The following TENM3 variants were observed in gnomAD, a reference collection of about 807,000 sequenced individuals.
TENM3 encodes teneurin-3.
In TENM3, 63 loss-of-function variants were observed where a neutral mutation model predicts 255.1. The ratio of observed to expected loss-of-function variants is 0.25; its 90% CI spans 0.20 to 0.30. The LOEUF is 0.30. Ranked by LOEUF, TENM3 falls within the 10% of genes least tolerant of loss-of-function variation. The probability of loss-of-function intolerance (pLI) is 1.00; values close to 1 mark genes in which losing one functional copy is unlikely to be tolerated. For missense variants in TENM3, 2,929 were observed against 3,461.1 expected, an observed-to-expected ratio of 0.85 and a Z score of 3.86; for synonymous variants, 1,306 against 1,322.3, an observed-to-expected ratio of 0.99 and a Z score of 0.27.
At chr4:182,107,123 A>T in the TENM3 span, among the ~76,000 whole-genome samples, 1 of 150,034 alleles carries the variant, frequency 6.7e-6, no homozygotes, top group Non-Finnish European at 1.5e-5. Flanking sequence ...GCTGGTTAGT[A>T]CTTGCCTGAG....
chr4:181,559,861 A>G, the TENM3 span, among the ~76,000 whole-genome samples: 3 of 152,214 alleles, frequency 2.0e-5, no homozygotes, highest in African/African-American at 4.8e-5. Flanking sequence ...CGCAGGAGAC[A>G]TTGAGAAACC....
At chr4:182,139,478 T>A (rs752992820), upstream of TENM3, among the ~76,000 whole-genome samples, 2 of 152,232 alleles carry the variant, frequency 1.3e-5, no homozygotes, top group African/African-American at 4.8e-5. Context: ...TAAAAAATTG[T>A]CCTGTAGTGT....
chr4:181,969,332 G>A, the TENM3 span, among the ~76,000 whole-genome samples: 2 of 152,142 alleles, frequency 1.3e-5, no homozygotes, highest in African/African-American at 2.4e-5. Context: ...CAGTTAGCCA[G>A]CTGGAAAATT....
At chr4:182,666,466 A>G (rs1191255736) in intron 6 of TENM3, among the ~76,000 whole-genome samples, 1 of 152,238 alleles carries the variant, frequency 6.6e-6, no homozygotes, top group African/African-American at 2.4e-5. Flanking sequence ...ACCTTCAGCA[A>G]CCACCACCTT....
chr4:182,337,502 C>T (rs191404562), intron 2 of TENM3, among the ~76,000 whole-genome samples: 5 of 152,262 alleles, frequency 3.3e-5, no homozygotes, highest in Non-Finnish European at 4.4e-5. Context: ...AATACTACCA[C>T]TCATCTTCCA....
chr4:182,298,120 G>T (rs1761611124), intron 1 of TENM3, among the ~76,000 whole-genome samples: 1 of 152,184 alleles, frequency 6.6e-6, no homozygotes, highest in Admixed American at 6.5e-5. Flanking sequence ...TTAGGAACCT[G>T]ATGTCTTCAT....
chr4:181,961,108 T>C, the TENM3 span, among the ~76,000 whole-genome samples: 1 of 152,162 alleles, frequency 6.6e-6, no homozygotes, highest in Non-Finnish European at 1.5e-5. Flanking sequence ...CAATTATCCA[T>C]GGGCACCCAC....
At chr4:182,387,400 T>G (rs1219131685) in intron 3 of TENM3, among the ~76,000 whole-genome samples, 3 of 152,148 alleles carry the variant, frequency 2.0e-5, no homozygotes, top group Non-Finnish European at 4.4e-5. Context: ...TGTATCTAGC[T>G]CAGGGATTGT....
Position 182,703,026 on chromosome 4 carries a change from G to A in TENM3, c.2222-11061G>A, listed in dbSNP as rs1008546931. Reference sequence around the variant, plus strand: ...GCTGGGATTACAGGCGTGAGCCACCGCGCCTGGCCCAAGCCCATGTTCTTA... The same window carrying A: ...GCTGGGATTACAGGCGTGAGCCACCACGCCTGGCCCAAGCCCATGTTCTTA... On this transcript the variant is annotated intron_variant, in intron 12 of 27. Coordinates refer to ENST00000511685, the MANE Select transcript of TENM3 (RefSeq NM_001080477.4). Among the ~76,000 whole-genome samples, 6 of 152,200 alleles carry A rather than the reference G, an allele frequency of 3.9e-5. 1 individual carries two copies. The highest frequency in any genetic ancestry group is 1.9e-4 in the East Asian group (1 of 5,196).
chr4:181,602,576 T>C, the TENM3 span, among the ~76,000 whole-genome samples: 1 of 152,212 alleles, frequency 6.6e-6, no homozygotes, highest in South Asian at 2.1e-4. Flanking sequence ...AAAGCCATCT[T>C]GTGTGATGCT....
At chr4:182,164,463 T>C (rs1296869537) in intron 1 of TENM3, among the ~76,000 whole-genome samples, 2 of 152,224 alleles carry the variant, frequency 1.3e-5, no homozygotes, top group African/African-American at 4.8e-5. Context: ...TCCCTTGGCA[T>C]CTGGACTGGA....
intron 3 of TENM3, among the ~76,000 whole-genome samples, chr4:182,573,215 G>T (rs1744585168): frequency 6.6e-6 from 1 of 152,118 alleles, no homozygotes; most frequent in Non-Finnish European, 1.5e-5. Context: ...GCATTGTCAG[G>T]ATTTGAGTAG....
At chr4:182,256,014 T>C (rs749275913) in intron 1 of TENM3, among the ~76,000 whole-genome samples, 45 of 152,294 alleles carry the variant, frequency 3.0e-4, no homozygotes, top group Middle Eastern at 6.8e-3. Context: ...GTTTCTGCAA[T>C]CCCATTAAGG....
intron 1 of TENM3, among the ~76,000 whole-genome samples, chr4:182,155,661 T>C (rs1226489684): frequency 1.3e-5 from 2 of 152,118 alleles, no homozygotes; most frequent in Non-Finnish European, 2.9e-5. Context: ...TAACCAAATT[T>C]CAATTATTTT....
the TENM3 span, among the ~76,000 whole-genome samples, chr4:181,743,684 A>AG: frequency 3.3e-5 from 5 of 152,200 alleles, no homozygotes; most frequent in East Asian, 1.9e-4. Context: ...GACTCAGAAA[A>AG]GGGGGGGCCA....
chr4:182,762,552 G>A (rs1406164701), intron 22 of TENM3, among the ~76,000 whole-genome samples: 1 of 152,200 alleles, frequency 6.6e-6, no homozygotes, highest in Admixed American at 6.5e-5. Flanking sequence ...TGGAGACTTT[G>A]CAGCATCTGT....
chr4:181,469,713 G>A, the TENM3 span, among the ~76,000 whole-genome samples: 1 of 151,898 alleles, frequency 6.6e-6, no homozygotes, highest in African/African-American at 2.4e-5. Context: ...TAATTTGTCT[G>A]GTTATTTCCC....
chr4:181,834,089 G>T, the TENM3 span, among the ~76,000 whole-genome samples: 1 of 149,320 alleles, frequency 6.7e-6, no homozygotes, highest in Non-Finnish European at 1.5e-5. Context: ...AGGAAAATGA[G>T]ACTTACGAGA....
the TENM3 span, among the ~76,000 whole-genome samples, chr4:181,779,675 A>C: frequency 6.6e-6 from 1 of 152,120 alleles, no homozygotes; most frequent in East Asian, 1.9e-4. Context: ...TCTAGGGTAC[A>C]TGTACACAAT....
Sources: gnomAD v4.1 joint callset for allele counts (sites outside exome capture counted in the v4.1 genomes callset) on GRCh38, gnomAD v4.1.1 for gene constraint, MANE v1.5 for transcripts, NCBI Gene and HGNC (gene_info 2026-07-23, HGNC 2026-07-21) for gene names.